The following MAML2 variants were observed in gnomAD, a reference collection of about 807,000 sequenced individuals.
MAML2 encodes mastermind like transcriptional coactivator 2.
A neutral mutation model predicts 96.1 loss-of-function variants in MAML2; 22 were observed. The observed-to-expected ratio is 0.23, with a 90% CI of 0.16 to 0.33. The LOEUF (loss-of-function observed/expected upper bound fraction) is 0.33, where lower values mean the gene tolerates loss of function less well. MAML2 is among the 10% of genes least tolerant of loss of function. MAML2 has a pLI of 1.00. For missense variants in MAML2, 1,367 were observed against 1,392.4 expected (o/e 0.98, Z 0.29); for synonymous variants, 561 against 521.3 (o/e 1.08, Z -1.04).
Position 96,281,176 on chromosome 11 carries a change from ATAT to A in MAML2, c.513+60204_513+60206del, listed in dbSNP as rs542338993. ...CATAAAAAGTGTATGTATGGGGGTA[ATAT>A]TCAAAATATTTAACAACCCAGAAGA... On this transcript the variant is annotated intron_variant, in intron 1 of 4. Coordinates refer to ENST00000524717, the MANE Select transcript of MAML2 (RefSeq NM_032427.4). Among the ~76,000 whole-genome samples, 14 of 152,328 alleles carry A rather than the reference ATAT, an allele frequency of 9.2e-5. No individual in the cohort carries two copies. The South Asian group carries it at 2.9e-3, about 32-fold the overall frequency.
intron 1 of MAML2, among the ~76,000 whole-genome samples, chr11:96,281,689 G>C (rs1226798305): frequency 1.3e-5 from 2 of 151,974 alleles, no homozygotes; most frequent in African/African-American, 4.8e-5. Context: ...GGGCAACATG[G>C]CAAAATCCCA....
chr11:96,327,596 TTAG>T (rs1418528872), intron 1 of MAML2, among the ~76,000 whole-genome samples: 1 of 151,734 alleles, frequency 6.6e-6, no homozygotes, highest in Non-Finnish European at 1.5e-5. Flanking sequence ...TTTTTATTTT[TTAG>T]TAGAGACGGG....
chr11:96,335,383 G>A (rs1863907863), intron 1 of MAML2, among the ~76,000 whole-genome samples: 3 of 152,214 alleles, frequency 2.0e-5, no homozygotes, highest in Admixed American at 6.5e-5. Flanking sequence ...TTTACCAACA[G>A]GGCATTTCTT....
chr11:96,070,983 C>T lies in MAML2; in HGVS notation c.2139+20909G>A, dbSNP rs144644758. Among the ~76,000 whole-genome samples, 487 of 152,348 alleles carry T rather than the reference C, an allele frequency of 3.2e-3. 4 individuals are homozygous for T. Among genetic ancestry groups the T allele is most frequent in the African/African-American group, 0.011 (464 of 41,584 alleles). On this transcript the variant is annotated intron_variant, in intron 2 of 4. Transcript: ENST00000524717. ...TTAATTTGTTGTTACTTCAGCATCTCTTGTGTAGCTGAGATTTGAATACAC... is the reference window on the plus strand; with the variant it reads ...TTAATTTGTTGTTACTTCAGCATCTTTTGTGTAGCTGAGATTTGAATACAC...
At chr11:96,024,749 A>G (rs77234876) in intron 2 of MAML2, among the ~76,000 whole-genome samples, 2,001 of 152,272 alleles carry the variant, frequency 0.013, 39 homozygotes, top group African/African-American at 0.044. Flanking sequence ...CGGTTCTGGT[A>G]CTTTCACGCC....
In MAML2 at chr11:95,979,280, G is replaced by A; in HGVS notation, c.3139C>T (p.Leu1047=). ...CTTAGCTGATTGGGTCTGAGATTCAGACCCCTGAGGGGACCCATGGTTTGC... is the reference window on the plus strand; with the variant it reads ...CTTAGCTGATTGGGTCTGAGATTCAAACCCCTGAGGGGACCCATGGTTTGC... ...NGQTMGPLRG[L]NLRPNQLSTQ... The change falls in exon 5 of 5, where the codon CTG becomes TTG. Residue 1047 remains leucine, a synonymous_variant. Transcript: ENST00000524717. 3 of 1,613,922 alleles carry A rather than the reference G, an allele frequency of 1.9e-6. No homozygotes were observed. Among genetic ancestry groups the A allele is most frequent in the Non-Finnish European group, 2.5e-6 (3 of 1,179,874 alleles).
intron 2 of MAML2, among the ~76,000 whole-genome samples, chr11:96,039,570 A>G (rs1055133090): frequency 1.3e-5 from 2 of 152,194 alleles, no homozygotes; most frequent in African/African-American, 4.8e-5. Context: ...ACATGGCGCA[A>G]ATAGAATAAA....
chr11:96,006,870 T>TACACACAC (rs1491217661), intron 2 of MAML2, among the ~76,000 whole-genome samples: 59 of 109,896 alleles, frequency 5.4e-4, no homozygotes, highest in African/African-American at 1.6e-3. Context: ...AGGAATATCT[T>TACACACAC]ATACACACAC....
At chr11:96,017,074 A>T (rs548461690) in intron 2 of MAML2, among the ~76,000 whole-genome samples, 25 of 152,314 alleles carry the variant, frequency 1.6e-4, no homozygotes, top group African/African-American at 5.5e-4. Context: ...TGAGGGCTTG[A>T]TATGTGGAAG....
Position 96,233,401 on chromosome 11 carries a change from C to CT in MAML2, c.513+107981dup, listed in dbSNP as rs34715630. On this transcript the variant is annotated intron_variant, in intron 1 of 4. Transcript: ENST00000524717. ...CATGTGTTTTCCCTACTCTTAAATT[C>CT]TTTTTTTTTTTTTCTTAATTTAAGA... Among the ~76,000 whole-genome samples the CT allele has an allele frequency of 5.6e-5, 8 of 143,774 alleles. No individual in the cohort carries two copies. In the South Asian group the frequency reaches 6.5e-4, roughly 12 times the overall value. 94.3% of individuals were successfully genotyped at this position (143,774 alleles called of 152,430 possible).
intron 1 of MAML2, among the ~76,000 whole-genome samples, chr11:96,235,766 A>T (rs879385237): frequency 6.6e-6 from 1 of 152,230 alleles, no homozygotes; most frequent in Non-Finnish European, 1.5e-5. Context: ...TTCTTTTTCA[A>T]TGTAAACCAG....
chr11:96,085,851 GA>G (rs1265058091), intron 2 of MAML2, among the ~76,000 whole-genome samples: 1 of 152,166 alleles, frequency 6.6e-6, no homozygotes, highest in Non-Finnish European at 1.5e-5. Flanking sequence ...TGGAGGGAAA[GA>G]GGAGTTAATT....
At chr11:96,305,026 C>G (rs1289178449) in intron 1 of MAML2, among the ~76,000 whole-genome samples, 1 of 152,072 alleles carries the variant, frequency 6.6e-6, no homozygotes, top group Non-Finnish European at 1.5e-5. Context: ...TAGAGATGCA[C>G]CATTTATAAC....
intron 1 of MAML2, among the ~76,000 whole-genome samples, chr11:96,266,990 G>A (rs186472600): frequency 4.7e-4 from 72 of 152,334 alleles, no homozygotes; most frequent in Non-Finnish European, 9.3e-4. Context: ...TAGGTCCACA[G>A]ATATTTTTAA....
chr11:95,997,130 T>G (rs1297732340), intron 2 of MAML2, among the ~76,000 whole-genome samples: 3 of 152,184 alleles, frequency 2.0e-5, no homozygotes, highest in Admixed American at 1.3e-4. Flanking sequence ...ACTTGCATGA[T>G]CTTTCATTTT....
chr11:96,084,658 T>C (rs1305958993), intron 2 of MAML2, among the ~76,000 whole-genome samples: 1 of 152,138 alleles, frequency 6.6e-6, no homozygotes, highest in South Asian at 2.1e-4. Context: ...AAAATTGGTC[T>C]GCAGGGAAAG....
In MAML2 at chr11:96,180,575, A is replaced by G. The variant is rs1356553489; in HGVS notation, c.514-87058T>C. ...ATGTGAGTGAGAGAACCTTCATATG[A>G]CTCCAGTCCCTTGGTCTGTAAGCTG... On this transcript the variant is annotated intron_variant, in intron 1 of 4. Transcript: ENST00000524717. 3.3e-5 allele frequency among the ~76,000 whole-genome samples: 5 copies of G among 152,012 alleles called. No individual in the cohort carries two copies. In the East Asian group the frequency reaches 9.6e-4, roughly 29 times the overall value.
At chr11:96,165,859 C>T (rs1235910955) in intron 1 of MAML2, among the ~76,000 whole-genome samples, 1 of 152,106 alleles carries the variant, frequency 6.6e-6, no homozygotes, top group Non-Finnish European at 1.5e-5. Flanking sequence ...ATTTCTTTGA[C>T]ATCAATTGAG....
chr11:96,008,433 G>C (rs1565188288), intron 2 of MAML2, among the ~76,000 whole-genome samples: 1 of 152,138 alleles, frequency 6.6e-6, no homozygotes, highest in African/African-American at 2.4e-5. Flanking sequence ...TTCATGTGGT[G>C]CTTTTTTAAA....
Sources: allele counts gnomAD v4.1 joint callset (sites outside exome capture counted in the v4.1 genomes callset), GRCh38; gene constraint gnomAD v4.1.1; transcripts MANE v1.5; gene names NCBI Gene and HGNC (gene_info 2026-07-23, HGNC 2026-07-21).